The following NBR1 variants were observed in gnomAD, a reference collection of about 807,000 sequenced individuals.
NBR1 encodes the protein next to BRCA1 gene 1 protein.
NBR1 carries 59 observed loss-of-function variants against 115.5 expected under a neutral mutation model. That is an observed-to-expected ratio of 0.51 (90% confidence interval 0.41 to 0.63). The LOEUF is 0.63. NBR1 is among the 30% of genes least tolerant of loss of function. The probability of loss-of-function intolerance (pLI) is 0.00; values close to 1 mark genes in which losing one functional copy is unlikely to be tolerated. For synonymous variants in NBR1, 373 were observed against 414.7 expected (o/e 0.90, Z 1.22); for missense variants, 1,043 against 1,150.5 (o/e 0.91, Z 1.35).
intron 5 of NBR1, among the ~76,000 whole-genome samples, chr17:43,183,369 C>T (rs542805044): frequency 1.3e-5 from 2 of 151,046 alleles, no homozygotes; most frequent in South Asian, 2.1e-4. Flanking sequence ...TACGGGCATG[C>T]GCCACCACAC....
Position 43,200,338 on chromosome 17 carries a change from T to A in NBR1, c.2198T>A (p.Ile733Asn), listed in dbSNP as rs769702832. 3 of 1,553,826 alleles carry A rather than the reference T, an allele frequency of 1.9e-6. No homozygotes were observed. The highest frequency in any genetic ancestry group is 2.6e-6 in the Non-Finnish European group (3 of 1,148,180). The change falls in exon 17 of 21, where the codon ATC (isoleucine) becomes AAC (asparagine). Residue 733 changes from isoleucine to asparagine, a missense_variant. Coordinates refer to ENST00000590996, the MANE Select transcript of NBR1 (RefSeq NM_005899.5). ...SQSSASSEDY[I>N]IILPECFDTS... ...TCCTCTGCTTCCTCAGAGGATTACA[T>A]CATCATCCTGCCTGAGTGCTTTGAT...
intron 6 of NBR1, among the ~76,000 whole-genome samples, chr17:43,187,033 C>T (rs147595567): frequency 1.6e-4 from 24 of 152,102 alleles, no homozygotes; most frequent in African/African-American, 5.5e-4. Context: ...GGGTATATAC[C>T]CGGTAATGGG....
At chr17:43,201,891 C>T in intron 18 of NBR1, 111 bp downstream of exon 18, 1 of 689,048 alleles carries the variant, frequency 1.5e-6, no homozygotes, top group Non-Finnish European at 2.5e-6. Context: ...GAAACTTGCC[C>T]TTCACAGGCC....
intron 20 of NBR1, 66 bp downstream of exon 20, chr17:43,203,852 G>C (rs957814021): frequency 9.9e-7 from 1 of 1,012,304 alleles, no homozygotes; most frequent in Non-Finnish European, 1.5e-6. Context: ...GATGGCATCT[G>C]TCTGGGTTGA....
At position 43,191,480 on chromosome 17, in the gene NBR1, A is replaced by G. The variant is rs994697255; in HGVS notation, c.972A>G (p.Lys324=). The stretch of plus-strand genomic sequence containing the variant: ...TCAAGGAACTTAAAAAGCAGCTTAA[A>G]CTCCATAGGAAAATTCACCTGTGGA... ...AEVKELKKQL[K]LHRKIHLWNS... Residue 324 remains lysine, a synonymous_variant, in exon 10 of 21, where the codon AAA becomes AAG. Coordinates refer to ENST00000590996, the MANE Select transcript of NBR1 (RefSeq NM_005899.5). 1.2e-6 allele frequency: 2 copies of G among 1,613,054 alleles called. No homozygotes were observed. The highest frequency in any genetic ancestry group is 1.7e-6 in the Non-Finnish European group (2 of 1,179,506).
intron 16 of NBR1, among the ~76,000 whole-genome samples, chr17:43,197,728 CAG>C (rs1312912308): frequency 3.3e-5 from 5 of 152,178 alleles, no homozygotes; most frequent in African/African-American, 1.2e-4. Context: ...TGTAATTTGA[CAG>C]AGCTCCTTAG....
Position 43,210,437 on chromosome 17 carries a change from G to A in NBR1, c.*363G>A. The A allele has an allele frequency of 2.5e-6, 1 of 396,618 alleles. No individual in the cohort carries two copies. The highest frequency in any genetic ancestry group is 4.4e-6 in the Non-Finnish European group (1 of 225,464). The allele number at this position is 396,618 out of a possible 1,614,324, so 24.6% of individuals were successfully genotyped here. ...ATGTGGATTTTTTATGGGGATATCT[G>A]TTAATTTTCAGGTTTTGAAAGACAT... On this transcript the variant is annotated 3_prime_UTR_variant, in exon 21 of 21. Coordinates refer to ENST00000590996, the MANE Select transcript of NBR1 (RefSeq NM_005899.5).
chr17:43,174,176 T>A (rs1340763717), intron 1 of NBR1, among the ~76,000 whole-genome samples: 1 of 152,140 alleles, frequency 6.6e-6, no homozygotes. Context: ...AGGGTATTGC[T>A]GTAAACCTTT....
rs1251616481 is a variant in NBR1, at chr17:43,175,868, A to G, written c.69A>G (p.Pro23=). ...TTCAAAGCTTTCTGGTTTCTGATCC[A>G]GAAAATACAACTTGGGCTGATATCG... The part of the protein sequence containing the change: ...NEIQSFLVSD[P]ENTTWADIEA... Residue 23 remains proline (P), a synonymous_variant, in exon 2 of 21, where the codon CCA becomes CCG. Transcript: ENST00000590996. 6.2e-7 allele frequency: 1 copy of G among 1,605,364 alleles called. No homozygotes were observed. Among genetic ancestry groups the G allele is most frequent in the Non-Finnish European group, 8.5e-7 (1 of 1,173,562 alleles).
intron 1 of NBR1, among the ~76,000 whole-genome samples, chr17:43,174,101 G>A (rs968491724): frequency 8.5e-5 from 13 of 152,114 alleles, no homozygotes; most frequent in Admixed American, 2.0e-4. Flanking sequence ...TTATCTTTTA[G>A]AGGTACATAC....
chr17:43,172,737 A>G (rs2056406921), intron 1 of NBR1, among the ~76,000 whole-genome samples: 1 of 152,220 alleles, frequency 6.6e-6, no homozygotes, highest in South Asian at 2.1e-4. Context: ...GTGCCTTTAA[A>G]TGACAGTCTT....
chr17:43,197,310 G>A (rs2057091101), intron 16 of NBR1, among the ~76,000 whole-genome samples: 1 of 152,118 alleles, frequency 6.6e-6, no homozygotes, highest in Non-Finnish European at 1.5e-5. Flanking sequence ...ACAAGGTCAG[G>A]AGATCAAGTC....
chr17:43,176,657 C>T (rs1289897592), intron 2 of NBR1: 2 of 148,966 alleles, frequency 1.3e-5, no homozygotes, highest in East Asian at 1.9e-4. Context: ...CAGTGAGACC[C>T]GTCTCAAAAA....
intron 19 of NBR1, 35 bp from the exon 20 acceptor site, chr17:43,203,646 T>G: frequency 7.5e-7 from 1 of 1,328,126 alleles, no homozygotes; most frequent in Non-Finnish European, 1.1e-6. Context: ...ATGATTTGTG[T>G]TTGTTTGGGG....
intron 3 of NBR1, among the ~76,000 whole-genome samples, chr17:43,179,011 A>G (rs146250295): frequency 6.6e-6 from 1 of 152,280 alleles, no homozygotes; most frequent in East Asian, 1.9e-4. Context: ...GTGTCAGACT[A>G]GCCACAGTAC....
Position 43,201,693 on chromosome 17 carries a change from C to T in NBR1, c.2476C>T (p.Pro826Ser). The T allele has an allele frequency of 6.3e-7, 1 of 1,597,152 alleles. No homozygotes were observed. Among genetic ancestry groups the T allele is most frequent in the Non-Finnish European group, 8.6e-7 (1 of 1,164,674 alleles). ...ELPPSLPRSS[P>S]CVHHHGSPGV... ...ATTGTGTCTTTCTGAAAGGAGCTCT[C>T]CTTGTGTACATCATCATGGTTCCCC... is the stretch of plus-strand genomic sequence containing the variant. Residue 826 changes from proline to serine, a missense_variant, in exon 18 of 21, where the codon CCT becomes TCT. Pro to Ser is a moderately conservative substitution (Grantham distance 74). Transcript: ENST00000590996.
At chr17:43,187,633 C>T (rs1266883378) in intron 6 of NBR1, among the ~76,000 whole-genome samples, 15 of 151,218 alleles carry the variant, frequency 9.9e-5, no homozygotes, top group Middle Eastern at 3.4e-3. Flanking sequence ...CTCAGCCTCC[C>T]GAGTAGCTGG....
At chr17:43,188,062 T>A (rs555360964) in intron 6 of NBR1, among the ~76,000 whole-genome samples, 1 of 151,648 alleles carries the variant, frequency 6.6e-6, no homozygotes, top group African/African-American at 2.4e-5. Flanking sequence ...AGCTATTTTT[T>A]TGTATTTTTA....
At chr17:43,185,825 C>T (rs921472035) in intron 5 of NBR1, among the ~76,000 whole-genome samples, 1 of 152,014 alleles carries the variant, frequency 6.6e-6, no homozygotes, top group African/African-American at 2.4e-5. Flanking sequence ...AGTGAAACCC[C>T]ATCTCTACTA....
Sources: allele counts gnomAD v4.1 joint callset (sites outside exome capture counted in the v4.1 genomes callset), GRCh38; gene constraint gnomAD v4.1.1; transcripts MANE v1.5; gene names NCBI Gene and HGNC (gene_info 2026-07-23, HGNC 2026-07-21).